COX7A2L: variants seen among roughly 807,000 people sequenced by gnomAD.
COX7A2L encodes the protein cytochrome c oxidase subunit 7A2-like, mitochondrial.
Under a neutral mutation model 14.2 loss-of-function variants are expected in COX7A2L, and 18 were observed. The observed-to-expected ratio is 1.27, with a 90% CI of 0.88 to 1.88. COX7A2L has a LOEUF of 1.88. COX7A2L is among the 40% of genes most tolerant of loss of function. The pLI is 0.00. For missense variants in COX7A2L, 179 were observed against 138.8 expected (o/e 1.29, Z -1.46); for synonymous variants, 65 against 57.4 (o/e 1.13, Z -0.60).
At chr2:42,337,304 A>AAC (rs1670297787) in intron 2 of COX7A2L, among the ~76,000 whole-genome samples, 1 of 152,218 alleles carries the variant, frequency 6.6e-6, no homozygotes, top group African/African-American at 2.4e-5. Context: ...AAGGGCTGTG[A>AAC]ACACATGCAC....
chr2:42,336,732 T>C (rs1670282051), intron 2 of COX7A2L, among the ~76,000 whole-genome samples: 1 of 152,216 alleles, frequency 6.6e-6, no homozygotes, highest in Non-Finnish European at 1.5e-5. Flanking sequence ...GCCAGATGCC[T>C]TACAGCAGCT....
intron 1 of COX7A2L, among the ~76,000 whole-genome samples, chr2:42,357,085 C>A: frequency 6.6e-6 from 1 of 152,190 alleles, no homozygotes; most frequent in East Asian, 1.9e-4. Context: ...TAGTTTATTT[C>A]AATTGCTCCA....
At chr2:42,347,693 A>G (rs1330045559), downstream of COX7A2L, among the ~76,000 whole-genome samples, 1 of 152,190 alleles carries the variant, frequency 6.6e-6, no homozygotes, top group Non-Finnish European at 1.5e-5. Context: ...AGGCCAAGGC[A>G]CGTGGATCAC....
downstream of COX7A2L, among the ~76,000 whole-genome samples, chr2:42,346,112 G>C (rs990516480): frequency 6.6e-6 from 1 of 152,164 alleles, no homozygotes; most frequent in Non-Finnish European, 1.5e-5. Flanking sequence ...CCAAACAGCT[G>C]ACTGGCCCAG....
intron 1 of COX7A2L, among the ~76,000 whole-genome samples, chr2:42,356,305 T>C (rs1172933640): frequency 6.6e-6 from 1 of 152,188 alleles, no homozygotes; most frequent in East Asian, 1.9e-4. Context: ...CTTACCCTCT[T>C]TATTTTTCTC....
At chr2:42,368,575 A>G (rs983864181) in intron 1 of COX7A2L, among the ~76,000 whole-genome samples, 2 of 152,348 alleles carry the variant, frequency 1.3e-5, no homozygotes, top group East Asian at 3.9e-4. Flanking sequence ...TATCAGCAGT[A>G]TTTAATTAGT....
rs755540695 is a variant in COX7A2L at position 42,353,201 on chromosome 2, T to G, written c.204+11A>C. 7 of 1,613,390 alleles carry G rather than the reference T, an allele frequency of 4.3e-6. No individual in the cohort carries two copies. The South Asian group carries it at 7.7e-5, about 18-fold the overall frequency. On this transcript the variant is annotated intron_variant, in intron 2 of 2. Transcript: ENST00000234301. ...TCACAGGCTTTTCTGTTGTAGAGTA[T>G]CTTCCCTCACCTGGAAAAACTTTTG...
chr2:42,355,717 CTT>C (rs386390054), intron 1 of COX7A2L, among the ~76,000 whole-genome samples: 9 of 69,046 alleles, frequency 1.3e-4, no homozygotes, highest in African/African-American at 3.0e-4. Context: ...ATCCTACGTT[CTT>C]TTTTTTTTTT....
intron 2 of COX7A2L, among the ~76,000 whole-genome samples, chr2:42,335,997 A>G (rs931720992): frequency 6.6e-6 from 1 of 152,202 alleles, no homozygotes; most frequent in Non-Finnish European, 1.5e-5. Context: ...TTCTCTGACC[A>G]TGGGCACAGA....
At chr2:42,343,167 C>T (rs1010821879) in intron 2 of COX7A2L, among the ~76,000 whole-genome samples, 1 of 152,168 alleles carries the variant, frequency 6.6e-6, no homozygotes, top group Non-Finnish European at 1.5e-5. Flanking sequence ...GCAGCCACAG[C>T]CAGATTTCCC....
intron 2 of COX7A2L, among the ~76,000 whole-genome samples, chr2:42,343,781 C>G (rs967647645): frequency 2.6e-5 from 4 of 152,160 alleles, no homozygotes; most frequent in Admixed American, 1.3e-4. Flanking sequence ...TGGGGATGAA[C>G]AGACCTCAAT....
chr2:42,368,242 T>G (rs1041122864), intron 1 of COX7A2L, among the ~76,000 whole-genome samples: 6 of 152,224 alleles, frequency 3.9e-5, no homozygotes, highest in Non-Finnish European at 5.9e-5. Flanking sequence ...TTTTCTATGT[T>G]TGCCTTTTAA....
At chr2:42,340,897 A>C (rs1467605956) in intron 2 of COX7A2L, among the ~76,000 whole-genome samples, 1 of 152,146 alleles carries the variant, frequency 6.6e-6, no homozygotes, top group Non-Finnish European at 1.5e-5. Context: ...GTGCTTCAAG[A>C]GCTACTGATG....
chr2:42,346,630 G>GC (rs1670503100), downstream of COX7A2L, among the ~76,000 whole-genome samples: 1 of 151,946 alleles, frequency 6.6e-6, no homozygotes, highest in South Asian at 2.1e-4. Context: ...AAAGCTTACT[G>GC]CAACAGCGCC....
chr2:42,360,835 G>A (rs1181741603), intron 1 of COX7A2L: 5 of 528,226 alleles, frequency 9.5e-6, no homozygotes, highest in Non-Finnish European at 1.4e-5. Flanking sequence ...GTGACCCCGG[G>A]GGTCACCTTG....
intron 2 of COX7A2L, 67 bp from the exon 3 acceptor site, chr2:42,351,426 A>G: frequency 2.5e-6 from 4 of 1,580,200 alleles, no homozygotes; most frequent in Non-Finnish European, 3.5e-6. Flanking sequence ...ACTCTTAAAA[A>G]ATAACAAATT....
downstream of COX7A2L, among the ~76,000 whole-genome samples, chr2:42,348,564 C>T (rs904427590): frequency 1.3e-5 from 2 of 152,140 alleles, no homozygotes; most frequent in East Asian, 3.8e-4. Flanking sequence ...CTGGACTCTT[C>T]AAATAGGTCA....
chr2:42,358,286 G>A (rs566708036), intron 1 of COX7A2L, among the ~76,000 whole-genome samples: 3 of 152,138 alleles, frequency 2.0e-5, no homozygotes, highest in Admixed American at 6.5e-5. Context: ...TATTTTTGAC[G>A]CAATTCAGAG....
chr2:42,346,475 A>G (rs1268783097), downstream of COX7A2L, among the ~76,000 whole-genome samples: 3 of 152,194 alleles, frequency 2.0e-5, no homozygotes, highest in Admixed American at 2.0e-4. Flanking sequence ...CAATACATTT[A>G]GCATTATCAA....
Sources: gnomAD v4.1 joint callset for allele counts (sites outside exome capture counted in the v4.1 genomes callset) on GRCh38, gnomAD v4.1.1 for gene constraint, MANE v1.5 for transcripts, NCBI Gene and HGNC (gene_info 2026-07-23, HGNC 2026-07-21) for gene names.